Variants in CDH13 observed in about 807,000 individuals in gnomAD.
CDH13 encodes cadherin 13, also known as cadherin-13.
A neutral mutation model predicts 63.8 loss-of-function variants in CDH13; 24 were observed. That is an observed-to-expected ratio of 0.38 (90% CI 0.27 to 0.53). The LOEUF (loss-of-function observed/expected upper bound fraction) is 0.53. CDH13 is among the 20% of genes least tolerant of loss of function. CDH13 has a pLI of 0.85. For missense variants in CDH13, 1,049 were observed against 903.1 expected (o/e 1.16, Z -2.07); for synonymous variants, 503 against 355.3 (o/e 1.42, Z -4.67).
chr16:83,099,593 G>A (rs1221714800), intron 3 of CDH13, among the ~76,000 whole-genome samples: 1 of 151,278 alleles, frequency 6.6e-6, no homozygotes, highest in Non-Finnish European at 1.5e-5. Context: ...CAAAGTGCTG[G>A]GATTATAGGT....
chr16:83,213,586 G>T lies in CDH13; in HGVS notation c.484-3759G>T, dbSNP rs551606150. ...GGTCAGAGAAGCCCATTCTTGGGAA[G>T]CATGATTGCTTCATAGCTCTTGTAG... is the stretch of plus-strand genomic sequence containing the variant. On this transcript the variant is annotated intron_variant, in intron 4 of 13. Transcript: ENST00000567109. 2.6e-5 allele frequency among the ~76,000 whole-genome samples: 4 copies of T among 152,200 alleles called. No individual in the cohort carries two copies. The South Asian group carries it at 8.3e-4, about 32-fold the overall frequency.
chr16:82,786,368 C>G (rs970729160), intron 1 of CDH13, among the ~76,000 whole-genome samples: 12 of 151,390 alleles, frequency 7.9e-5, no homozygotes, highest in Non-Finnish European at 1.2e-4. Context: ...TGTAAAATCA[C>G]TTCCAAAAGT....
chr16:83,378,318 C>G (rs1250181379), intron 6 of CDH13, among the ~76,000 whole-genome samples: 1 of 152,202 alleles, frequency 6.6e-6, no homozygotes, highest in African/African-American at 2.4e-5. Context: ...CCTGACCTTT[C>G]TAGCTCACAT....
chr16:83,621,979 C>T (rs961329358), intron 8 of CDH13, among the ~76,000 whole-genome samples: 14 of 152,108 alleles, frequency 9.2e-5, no homozygotes, highest in Non-Finnish European at 2.1e-4. Context: ...GATTAGCAAC[C>T]TTGTATCTTT....
At chr16:82,668,721 G>A (rs983622195) in intron 1 of CDH13, among the ~76,000 whole-genome samples, 6 of 152,144 alleles carry the variant, frequency 3.9e-5, no homozygotes, top group Admixed American at 6.5e-5. Flanking sequence ...AATGACTGTC[G>A]TAGGAGTGTT....
In CDH13 at chr16:83,566,016, T is replaced by G. The variant is rs182165221; in HGVS notation, c.961-36438T>G. Among the ~76,000 whole-genome samples the G allele has an allele frequency of 3.1e-3, 473 of 152,294 alleles. 3 individuals carry two copies. Among genetic ancestry groups the G allele is most frequent in the African/African-American group, 0.011 (452 of 41,556 alleles). On this transcript the variant is annotated intron_variant, in intron 7 of 13. Transcript: ENST00000567109. ...GTTTAAGACTGGGACTCATTTGAGT[T>G]GTAACGCAGGTGTGAGAAGCTTTGC...
intron 6 of CDH13, among the ~76,000 whole-genome samples, chr16:83,466,581 C>A (rs1873141): frequency 1.3e-5 from 2 of 152,192 alleles, no homozygotes; most frequent in African/African-American, 4.8e-5. Flanking sequence ...ACCTGGCAAC[C>A]TTCATCAACC....
intron 7 of CDH13, among the ~76,000 whole-genome samples, chr16:83,487,464 C>T (rs1308227162): frequency 1.3e-5 from 2 of 152,102 alleles, no homozygotes; most frequent in Non-Finnish European, 2.9e-5. Context: ...GACATGTGCT[C>T]CCACCTCGAT....
intron 1 of CDH13, among the ~76,000 whole-genome samples, chr16:82,734,688 A>G (rs1282625980): frequency 6.6e-6 from 1 of 152,214 alleles, no homozygotes; most frequent in East Asian, 1.9e-4. Flanking sequence ...TATGATACAG[A>G]CCAATGGCAA....
chr16:83,494,570 T>G (rs769037547), intron 7 of CDH13, among the ~76,000 whole-genome samples: 2 of 152,164 alleles, frequency 1.3e-5, no homozygotes, highest in African/African-American at 2.4e-5. Flanking sequence ...GAAAAGTTGG[T>G]TGAGAGTTTT....
At chr16:83,094,092 C>T (rs1443288747) in intron 3 of CDH13, among the ~76,000 whole-genome samples, 6 of 152,156 alleles carry the variant, frequency 3.9e-5, no homozygotes, top group Admixed American at 3.3e-4. Context: ...TATTACTCAG[C>T]AATTAATCCT....
At chr16:83,061,199 A>C (rs2031519036) in intron 3 of CDH13, among the ~76,000 whole-genome samples, 1 of 152,164 alleles carries the variant, frequency 6.6e-6, no homozygotes, top group African/African-American at 2.4e-5. Context: ...ATCCTGGTCT[A>C]GTGTAATGTC....
At chr16:82,761,017 C>CTTTCTTTTTT (rs2034820362) in intron 1 of CDH13, among the ~76,000 whole-genome samples, 3 of 40,488 alleles carry the variant, frequency 7.4e-5, no homozygotes, top group Non-Finnish European at 9.1e-5. Context: ...TTCTTTCTTT[C>CTTTCTTTTTT]TTTTTTTTTT....
chr16:82,665,226 C>G (rs1007736822), intron 1 of CDH13, among the ~76,000 whole-genome samples: 4 of 152,082 alleles, frequency 2.6e-5, no homozygotes, highest in African/African-American at 9.7e-5. Flanking sequence ...CAAAATGGCC[C>G]CAAGTGGACT....
At chr16:83,232,227 T>TTTA (rs3049884) in intron 5 of CDH13, among the ~76,000 whole-genome samples, 8,834 of 68,192 alleles carry the variant, frequency 0.13, 619 homozygotes, top group East Asian at 0.19. Context: ...TTTTTTTTTT[T>TTTA]AAAAAAAAAA....
chr16:83,023,440 C>G (rs1002618435), intron 2 of CDH13, among the ~76,000 whole-genome samples: 1 of 152,090 alleles, frequency 6.6e-6, no homozygotes, highest in South Asian at 2.1e-4. Flanking sequence ...ATTTCAAATC[C>G]GTGAGAAACT....
intron 2 of CDH13, among the ~76,000 whole-genome samples, chr16:83,003,388 G>GT (rs750165909): frequency 0.015 from 2,245 of 146,748 alleles, 43 homozygotes; most frequent in African/African-American, 0.038. Flanking sequence ...GCTTAAGTGG[G>GT]TTTTTTTTTT....
At chr16:83,119,402 C>A (rs527364399) in intron 3 of CDH13, among the ~76,000 whole-genome samples, 1 of 152,138 alleles carries the variant, frequency 6.6e-6, no homozygotes, top group Non-Finnish European at 1.5e-5. Context: ...TGCTTCACGT[C>A]CAGCAGGCTC....
chr16:82,963,575 A>G (rs984781725), intron 2 of CDH13, among the ~76,000 whole-genome samples: 4 of 151,978 alleles, frequency 2.6e-5, no homozygotes, highest in African/African-American at 9.7e-5. Context: ...CCCTTATATA[A>G]CTGTCATTAT....
Sources: allele counts gnomAD v4.1 joint callset (sites outside exome capture counted in the v4.1 genomes callset), GRCh38; gene constraint gnomAD v4.1.1; transcripts MANE v1.5; gene names NCBI Gene and HGNC (gene_info 2026-07-23, HGNC 2026-07-21).